Variants in SLC8A1 observed in about 807,000 individuals in gnomAD.
The protein encoded by SLC8A1 is solute carrier family 8 member A1, also known as sodium/calcium exchanger 1.
In SLC8A1, 18 loss-of-function variants were observed where a neutral mutation model predicts 68.3. The observed-to-expected ratio is 0.26, with a 90% CI of 0.18 to 0.39. The LOEUF (loss-of-function observed/expected upper bound fraction) is 0.39, where lower values mean the gene tolerates loss of function less well. SLC8A1 is among the 10% of genes least tolerant of loss of function. The pLI, the probability that SLC8A1 is intolerant of heterozygous loss-of-function variation, is 1.00. For synonymous variants in SLC8A1, 475 were observed against 415.5 expected, an observed-to-expected ratio of 1.14 and a Z score of -1.74; for missense variants, 985 against 1,156.7, an observed-to-expected ratio of 0.85 and a Z score of 2.15.
chr2:40,460,827 C>T (rs1323038835), intron 1 of SLC8A1, among the ~76,000 whole-genome samples: 2 of 151,864 alleles, frequency 1.3e-5, no homozygotes, highest in African/African-American at 4.8e-5. Context: ...CCCACCTCAG[C>T]CTCCCTAAGT....
intron 2 of SLC8A1, among the ~76,000 whole-genome samples, chr2:40,294,342 T>C (rs1271506690): frequency 6.6e-6 from 1 of 152,116 alleles, no homozygotes; most frequent in Non-Finnish European, 1.5e-5. Flanking sequence ...ACTCAATTTG[T>C]CTTCAAAACA....
chr2:40,187,692 G>A (rs1277212732), intron 2 of SLC8A1, among the ~76,000 whole-genome samples: 1 of 152,148 alleles, frequency 6.6e-6, no homozygotes, highest in Non-Finnish European at 1.5e-5. Flanking sequence ...AAATATATGA[G>A]CTACTTTTCT....
At chr2:40,246,238 C>T (rs1001466134) in intron 2 of SLC8A1, among the ~76,000 whole-genome samples, 2 of 152,170 alleles carry the variant, frequency 1.3e-5, no homozygotes, top group African/African-American at 4.8e-5. Context: ...GCATGTGGTA[C>T]ACATCTATCT....
exon 2 of SLC8A1, chr2:40,429,382 A>G (rs747856420): frequency 2.1e-5 from 34 of 1,613,750 alleles, no homozygotes; most frequent in Non-Finnish European, 2.8e-5. Context: ...GAAATTTTCA[A>G]CATGAGAATT....
At chr2:40,491,280 CTGTTTG>C (rs1705299511) in intron 1 of SLC8A1, among the ~76,000 whole-genome samples, 5 of 152,078 alleles carry the variant, frequency 3.3e-5, no homozygotes, top group African/African-American at 1.2e-4. Flanking sequence ...ATTTGGTTCT[CTGTTTG>C]TCTGTTATTG....
intron 2 of SLC8A1, among the ~76,000 whole-genome samples, chr2:40,383,767 C>T (rs1682685475): frequency 1.3e-5 from 2 of 151,934 alleles, no homozygotes; most frequent in Non-Finnish European, 2.9e-5. Flanking sequence ...GGTACAGATC[C>T]ACAGAAGTCA....
intron 6 of SLC8A1, among the ~76,000 whole-genome samples, chr2:40,147,468 T>A (rs2042675166): frequency 6.6e-6 from 1 of 152,180 alleles, no homozygotes; most frequent in Non-Finnish European, 1.5e-5. Context: ...TAAGGCTTTG[T>A]CAAGTAGAAT....
At chr2:40,358,324 C>A (rs1375683010) in intron 2 of SLC8A1, among the ~76,000 whole-genome samples, 10 of 150,600 alleles carry the variant, frequency 6.6e-5, no homozygotes, top group African/African-American at 2.2e-4. Flanking sequence ...TAAATATGTT[C>A]TAAAAAATGT....
intron 2 of SLC8A1, among the ~76,000 whole-genome samples, chr2:40,280,552 T>A (rs748934023): frequency 4.3e-4 from 66 of 152,228 alleles, no homozygotes; most frequent in Non-Finnish European, 6.5e-4. Flanking sequence ...CTAAATTAAC[T>A]AATTCATTTA....
chr2:40,376,893 C>T (rs1169146870), intron 2 of SLC8A1, among the ~76,000 whole-genome samples: 1 of 152,036 alleles, frequency 6.6e-6, no homozygotes, highest in Admixed American at 6.6e-5. Context: ...ATTATAATTA[C>T]CATGCCCTCT....
At chr2:40,491,542 A>G (rs1040332952) in intron 1 of SLC8A1, among the ~76,000 whole-genome samples, 3 of 152,108 alleles carry the variant, frequency 2.0e-5, no homozygotes, top group Non-Finnish European at 4.4e-5. Context: ...GTGGTGAGAG[A>G]AGGCATCCCT....
intron 2 of SLC8A1, among the ~76,000 whole-genome samples, chr2:40,328,551 C>T (rs1390743100): frequency 6.6e-6 from 1 of 152,168 alleles, no homozygotes. Flanking sequence ...CCCCCAATCT[C>T]TATTTTCAGC....
chr2:40,303,645 T>G (rs2071984372), intron 2 of SLC8A1, among the ~76,000 whole-genome samples: 1 of 152,208 alleles, frequency 6.6e-6, no homozygotes, highest in Non-Finnish European at 1.5e-5. Context: ...GGCCTAGTTA[T>G]AAGCCGAAAT....
rs574968209 is a variant in SLC8A1, at chr2:40,466,152, A to G, written c.-24-35848T>C. 1.1e-4 allele frequency among the ~76,000 whole-genome samples: 16 copies of G among 152,298 alleles called. No individual in the cohort carries two copies. The South Asian group carries it at 2.1e-3, about 20-fold the overall frequency. Reference sequence around the variant, plus strand: ...CAAAATGGACTAAAACAAGGGGGAAATTGAGTCCGAAGGAATTGATACCCT... The same window carrying G: ...CAAAATGGACTAAAACAAGGGGGAAGTTGAGTCCGAAGGAATTGATACCCT... On this transcript the variant is annotated intron_variant, in intron 1 of 7. Transcript: ENST00000402441.
intron 2 of SLC8A1, among the ~76,000 whole-genome samples, chr2:40,405,143 AG>A (rs761143010): frequency 2.6e-4 from 40 of 152,218 alleles, no homozygotes; most frequent in South Asian, 6.2e-4. Flanking sequence ...GAAAAGTGTC[AG>A]GGGAACATAC....
intron 2 of SLC8A1, among the ~76,000 whole-genome samples, chr2:40,410,430 A>G (rs944231723): frequency 6.6e-6 from 1 of 152,144 alleles, no homozygotes; most frequent in Non-Finnish European, 1.5e-5. Context: ...TATTCTATCT[A>G]TAGTTTAATG....
Position 40,435,524 on chromosome 2 carries a change from G to A in SLC8A1, c.-24-5220C>T, listed in dbSNP as rs541327637. On this transcript the variant is annotated intron_variant, in intron 1 of 7. Transcript: ENST00000406785. ...TTTGGGACAGGTGCCGAAGGGGATG[G>A]GCTATGAGCGGTCACATCATAGGCT... Among the ~76,000 whole-genome samples, 5 of 152,230 alleles carry A rather than the reference G, an allele frequency of 3.3e-5. No individual in the cohort carries two copies. The East Asian group carries it at 5.8e-4, about 18-fold the overall frequency.
chr2:40,275,932 A>G (rs2149161120), intron 2 of SLC8A1, among the ~76,000 whole-genome samples: 1 of 152,206 alleles, frequency 6.6e-6, no homozygotes, highest in South Asian at 2.1e-4. Context: ...CACAGACTTC[A>G]CTTAGTCTCC....
intron 6 of SLC8A1, among the ~76,000 whole-genome samples, chr2:40,160,450 C>T (rs916012160): frequency 3.3e-5 from 5 of 152,094 alleles, no homozygotes; most frequent in Non-Finnish European, 7.4e-5. Context: ...GTGCTGCTTA[C>T]AGGGAATTTT....
Sources: gnomAD v4.1 joint callset for allele counts (sites outside exome capture counted in the v4.1 genomes callset) on GRCh38, gnomAD v4.1.1 for gene constraint, MANE v1.5 for transcripts, NCBI Gene and HGNC (gene_info 2026-07-23, HGNC 2026-07-21) for gene names.